ATF7: variants seen among roughly 807,000 people sequenced by gnomAD.
ATF7 encodes cyclic AMP-dependent transcription factor ATF-7.
In ATF7, 10 loss-of-function variants were observed where a neutral mutation model predicts 50.4. The observed-to-expected ratio is 0.20, with a 90% CI of 0.12 to 0.34. ATF7 has a LOEUF of 0.34. Among genes scored for constraint, ATF7 ranks in the 10% least tolerant of loss-of-function variants. ATF7 has a pLI of 1.00. For missense variants in ATF7, 465 were observed against 613.9 expected (o/e 0.76, Z 2.56); for synonymous variants, 201 against 226.4 (o/e 0.89, Z 1.01).
At chr12:53,564,611 T>C (rs1235088911) in intron 2 of ATF7, among the ~76,000 whole-genome samples, 1 of 152,148 alleles carries the variant, frequency 6.6e-6, no homozygotes, top group Non-Finnish European at 1.5e-5. Context: ...CTTTAAAAAA[T>C]CGTACACTCC....
intron 1 of ATF7, among the ~76,000 whole-genome samples, chr12:53,606,568 TTTAATA>T (rs1943616500): frequency 6.6e-6 from 1 of 151,924 alleles, no homozygotes; most frequent in Non-Finnish European, 1.5e-5. Flanking sequence ...TTTTTTAAAT[TTTAATA>T]TTATTATACT....
chr12:53,532,693 C>A, intron 7 of ATF7, 70 bp from the exon 8 acceptor site: 1 of 1,205,450 alleles, frequency 8.3e-7, no homozygotes, highest in South Asian at 1.4e-5. Context: ...AACAGTTTCC[C>A]TAAAATGAAG....
intron 2 of ATF7, among the ~76,000 whole-genome samples, chr12:53,559,137 G>A: frequency 6.6e-6 from 1 of 150,710 alleles, no homozygotes. Flanking sequence ...AAAAAAAAAA[G>A]GAATGGCCTG....
chr12:53,609,201 C>G (rs1228984935), intron 1 of ATF7, among the ~76,000 whole-genome samples: 1 of 150,188 alleles, frequency 6.7e-6, no homozygotes, highest in Non-Finnish European at 1.5e-5. Context: ...GTTGCCCAGG[C>G]TGGAGTCCAA....
At chr12:53,531,422 C>CAAAAAAAA (rs541415026) in intron 9 of ATF7, among the ~76,000 whole-genome samples, 2 of 61,802 alleles carry the variant, frequency 3.2e-5, no homozygotes, top group African/African-American at 5.9e-5. Context: ...AACTCCATCT[C>CAAAAAAAA]AAAAAAAAAA....
At chr12:53,617,197 A>AT (rs1944171026) in intron 1 of ATF7, among the ~76,000 whole-genome samples, 1 of 151,748 alleles carries the variant, frequency 6.6e-6, no homozygotes, top group South Asian at 2.1e-4. Context: ...TAATTTTTGT[A>AT]TTTTTTATAG....
chr12:53,570,392 T>C (rs977135003), intron 2 of ATF7, among the ~76,000 whole-genome samples: 1 of 152,100 alleles, frequency 6.6e-6, no homozygotes, highest in African/African-American at 2.4e-5. Flanking sequence ...AAAATACTGA[T>C]GGGTGTCAGG....
Position 53,524,423 on chromosome 12 carries a change from G to T in ATF7, c.1125+141C>A. 1.0e-6 allele frequency: 1 copy of T among 969,552 alleles called. No homozygotes were observed. Among genetic ancestry groups the T allele is most frequent in the Non-Finnish European group, 1.5e-6 (1 of 666,074 alleles). The allele number at this position is 969,552 out of a possible 1,614,324, so 60.1% of individuals were successfully genotyped here. On this transcript the variant is annotated intron_variant, in intron 10 of 11. Transcript: ENST00000420353. This position sits in a 1 kb window ranked among gnomAD's most constrained non-coding sequence, Gnocchi z 4.6. ...TATGAAAGAGATTTCAACTCTGACCGTTAAGAGATTCTTCATGGGACAACT... is the reference window on the plus strand; with the variant it reads ...TATGAAAGAGATTTCAACTCTGACCTTTAAGAGATTCTTCATGGGACAACT...
chr12:53,597,537 C>T (rs1153134), intron 2 of ATF7, among the ~76,000 whole-genome samples: 57,071 of 152,042 alleles, frequency 0.38, 13,445 homozygotes, highest in Non-Finnish European at 0.53. Context: ...TAGCCAGGCA[C>T]GGTGGCTCAC....
At chr12:53,611,047 A>T (rs887665047) in intron 1 of ATF7, among the ~76,000 whole-genome samples, 1 of 151,774 alleles carries the variant, frequency 6.6e-6, no homozygotes, top group African/African-American at 2.4e-5. Flanking sequence ...GGCTGGTCTC[A>T]AAATTCCTGG....
At chr12:53,555,439 T>C (rs561842972) in intron 2 of ATF7, among the ~76,000 whole-genome samples, 2 of 151,730 alleles carry the variant, frequency 1.3e-5, no homozygotes, top group African/African-American at 2.4e-5. Context: ...TGCCAGGTAT[T>C]TGGTAAGAGG....
intron 9 of ATF7, among the ~76,000 whole-genome samples, chr12:53,528,768 AAAAAG>A (rs1356941137): frequency 1.3e-5 from 2 of 152,186 alleles, no homozygotes; most frequent in African/African-American, 2.4e-5. Flanking sequence ...ATCTTAAAAA[AAAAAG>A]AAAAGAAAAG....
intron 2 of ATF7, among the ~76,000 whole-genome samples, chr12:53,596,702 C>T (rs567074629): frequency 2.0e-5 from 3 of 152,216 alleles, no homozygotes; most frequent in East Asian, 3.9e-4. Flanking sequence ...TATTTATTCC[C>T]GCTTCCACAT....
intron 1 of ATF7, among the ~76,000 whole-genome samples, chr12:53,615,005 A>C (rs528165357): frequency 6.6e-6 from 1 of 152,036 alleles, no homozygotes; most frequent in South Asian, 2.1e-4. Context: ...ACTTGAACCC[A>C]GGAGGCAGAG....
intron 1 of ATF7, among the ~76,000 whole-genome samples, chr12:53,625,660 T>C (rs1944575898): frequency 1.3e-5 from 2 of 152,222 alleles, no homozygotes; most frequent in South Asian, 2.1e-4. Flanking sequence ...TTTCCAATAA[T>C]CCACCCCATC....
intron 2 of ATF7, among the ~76,000 whole-genome samples, chr12:53,596,464 T>C (rs1943161885): frequency 6.6e-6 from 1 of 152,212 alleles, no homozygotes; most frequent in Non-Finnish European, 1.5e-5. Context: ...TAAGCTGATA[T>C]GACCAGCTTC....
chr12:53,604,485 A>G (rs1308717014), intron 1 of ATF7, among the ~76,000 whole-genome samples: 1 of 152,230 alleles, frequency 6.6e-6, no homozygotes, highest in East Asian at 1.9e-4. Context: ...TAATAGACTA[A>G]GCATGGAGTC....
chr12:53,608,614 C>T (rs1943714890), intron 1 of ATF7, among the ~76,000 whole-genome samples: 1 of 152,062 alleles, frequency 6.6e-6, no homozygotes, highest in African/African-American at 2.4e-5. Flanking sequence ...TAGCAGGTAC[C>T]GAATACCTTT....
At chr12:53,561,013 T>A (rs10783583) in intron 2 of ATF7, among the ~76,000 whole-genome samples, 71,324 of 149,826 alleles carry the variant, frequency 0.48, 17,153 homozygotes, top group East Asian at 0.74. Flanking sequence ...TGATGTGATC[T>A]TAGATCACTG....
Sources: gnomAD v4.1 joint callset for allele counts (sites outside exome capture counted in the v4.1 genomes callset) on GRCh38, gnomAD v4.1.1 for gene constraint, Gnocchi (gnomAD v3.1) non-coding constraint, MANE v1.5 for transcripts, NCBI Gene and HGNC (gene_info 2026-07-23, HGNC 2026-07-21) for gene names.